The following SPECC1 variants were observed in gnomAD, a reference collection of about 807,000 sequenced individuals.
SPECC1 encodes the protein sperm antigen with calponin homology and coiled-coil domains 1, also known as cytospin-B.
SPECC1 carries 62 observed loss-of-function variants against 104.1 expected under a neutral mutation model. The ratio of observed to expected loss-of-function variants is 0.60; its 90% CI spans 0.49 to 0.74. The LOEUF is 0.74. Ranked by LOEUF, SPECC1 falls within the 30% of genes least tolerant of loss-of-function variation. The pLI, the probability that SPECC1 is intolerant of heterozygous loss-of-function variation, is 0.00. For missense variants in SPECC1, 1,306 were observed against 1,310.5 expected, an observed-to-expected ratio of 1.00 and a Z score of 0.05; for synonymous variants, 513 against 501.6, an observed-to-expected ratio of 1.02 and a Z score of -0.30.
intron 1 of SPECC1, among the ~76,000 whole-genome samples, chr17:20,019,126 C>G (rs1441259909): frequency 6.6e-6 from 1 of 152,102 alleles, no homozygotes; most frequent in African/African-American, 2.4e-5. Context: ...TCTATAATCC[C>G]AACACTGTGG....
intron 1 of SPECC1, among the ~76,000 whole-genome samples, chr17:20,016,689 C>T (rs1298686524): frequency 6.6e-6 from 1 of 152,248 alleles, no homozygotes; most frequent in Admixed American, 6.5e-5. Flanking sequence ...GACCTGCGGC[C>T]CGCCATGCCT....
intron 1 of SPECC1, among the ~76,000 whole-genome samples, chr17:20,061,864 T>C (rs1373391740): frequency 6.6e-6 from 1 of 152,216 alleles, no homozygotes; most frequent in Non-Finnish European, 1.5e-5. Context: ...TTTTCTCCTG[T>C]ATCATATCCA....
intron 3 of SPECC1, among the ~76,000 whole-genome samples, chr17:20,141,643 C>T (rs1263815801): frequency 6.6e-6 from 1 of 152,106 alleles, no homozygotes; most frequent in Non-Finnish European, 1.5e-5. Flanking sequence ...CAACCATCAC[C>T]GCAGATGAGT....
At position 20,106,490 on chromosome 17, in the gene SPECC1, T is replaced by C. The variant is rs527787470; in HGVS notation, c.148-3937T>C. Among the ~76,000 whole-genome samples the C allele has an allele frequency of 4.6e-5, 7 of 152,248 alleles. No individual in the cohort carries two copies. The South Asian group carries it at 8.3e-4, about 18-fold the overall frequency. ...TGGTCCATGATATGGTTTGGCTGTG[T>C]CCCCAACCAAAATTCATGTTGAATT... is the stretch of plus-strand genomic sequence containing the variant. On this transcript the variant is annotated intron_variant, in intron 2 of 14. Transcript: ENST00000395527.
chr17:20,313,581 A>T (rs1159228506), intron 14 of SPECC1, among the ~76,000 whole-genome samples: 1 of 152,252 alleles, frequency 6.6e-6, no homozygotes, highest in African/African-American at 2.4e-5. Context: ...GTAATGGCAC[A>T]GCCCACGTAA....
intron 1 of SPECC1, among the ~76,000 whole-genome samples, chr17:20,026,205 G>A (rs961646840): frequency 8.6e-5 from 13 of 150,918 alleles, no homozygotes; most frequent in African/African-American, 2.2e-4. Context: ...TTTTGTTGAC[G>A]TAATAATTAT....
intron 3 of SPECC1, among the ~76,000 whole-genome samples, chr17:20,132,800 C>T (rs2049720666): frequency 6.6e-6 from 1 of 151,786 alleles, no homozygotes; most frequent in African/African-American, 2.4e-5. Flanking sequence ...AGTGCAGTGG[C>T]GTGATCTCGG....
intron 2 of SPECC1, among the ~76,000 whole-genome samples, chr17:20,107,354 T>G (rs1414567924): frequency 6.7e-6 from 1 of 149,934 alleles, no homozygotes; most frequent in East Asian, 2.0e-4. Flanking sequence ...CTCATACCGA[T>G]AATACCAGCA....
intron 14 of SPECC1, among the ~76,000 whole-genome samples, chr17:20,309,584 T>A (rs1284410774): frequency 6.7e-6 from 1 of 148,328 alleles, no homozygotes; most frequent in Non-Finnish European, 1.5e-5. Flanking sequence ...CAGTGTCTAC[T>A]GTCCCCATCT....
intron 1 of SPECC1, among the ~76,000 whole-genome samples, chr17:20,088,213 C>A (rs530398349): frequency 6.6e-6 from 1 of 152,208 alleles, no homozygotes; most frequent in African/African-American, 2.4e-5. Flanking sequence ...GTGATGTGAT[C>A]TGATTTTTGT....
chr17:20,262,432 TA>T (rs1263488485), intron 12 of SPECC1, among the ~76,000 whole-genome samples: 1 of 152,212 alleles, frequency 6.6e-6, no homozygotes, highest in African/African-American at 2.4e-5. Flanking sequence ...ATGAGAGATT[TA>T]TTTCTCTGCA....
intron 3 of SPECC1, among the ~76,000 whole-genome samples, chr17:20,187,828 A>C (rs968361693): frequency 1.3e-5 from 2 of 152,190 alleles, no homozygotes; most frequent in African/African-American, 4.8e-5. Context: ...CCCGGGACCT[A>C]TGAGGCCTGG....
At chr17:20,143,287 G>A (rs2031058530) in intron 3 of SPECC1, among the ~76,000 whole-genome samples, 1 of 151,534 alleles carries the variant, frequency 6.6e-6, no homozygotes, top group African/African-American at 2.4e-5. Context: ...TCAGGAGGCT[G>A]AGGCAGGAGG....
At chr17:20,118,097 T>C (rs2048850831) in intron 3 of SPECC1, among the ~76,000 whole-genome samples, 1 of 149,256 alleles carries the variant, frequency 6.7e-6, no homozygotes, top group Non-Finnish European at 1.5e-5. Context: ...AGTGAGACCC[T>C]GTCTCACAAT....
In SPECC1 at chr17:20,315,260, T is replaced by C. The variant is rs922218409; in HGVS notation, c.*1195T>C. ...CTTTCATCGGCATGGGAAAAGCCCT[T>C]AGGGGTGGGCGGTGAGGGCACATTT... is the stretch of plus-strand genomic sequence containing the variant. On this transcript the variant is annotated 3_prime_UTR_variant, in exon 15 of 15. Transcript: ENST00000395527. The C allele has an allele frequency of 4.7e-5, 11 of 232,472 alleles. No homozygotes were observed. The highest frequency in any genetic ancestry group is 8.5e-5 in the Non-Finnish European group (10 of 117,624). The allele number at this position is 232,472 out of a possible 1,614,324, so 14.4% of individuals were successfully genotyped here.
chr17:20,233,258 G>A (rs2038711111), intron 7 of SPECC1, among the ~76,000 whole-genome samples: 1 of 152,210 alleles, frequency 6.6e-6, no homozygotes, highest in Non-Finnish European at 1.5e-5. Flanking sequence ...CCTGGGTTTT[G>A]AATGTTGATC....
intron 3 of SPECC1, chr17:20,156,371 C>G: frequency 7.0e-6 from 7 of 1,004,816 alleles, no homozygotes; most frequent in Non-Finnish European, 5.1e-6. Context: ...TGATTCTTGT[C>G]GTTGGAATGC....
At chr17:20,104,735 T>C (rs867374280) in intron 2 of SPECC1, among the ~76,000 whole-genome samples, 9 of 106,314 alleles carry the variant, frequency 8.5e-5, no homozygotes, top group Non-Finnish European at 1.2e-4. Flanking sequence ...AGAGTGAGAC[T>C]GTCTCAAAAA....
intron 3 of SPECC1, chr17:20,113,060 G>A (rs775334765): frequency 4.6e-5 from 34 of 737,130 alleles, no homozygotes; most frequent in Non-Finnish European, 7.1e-5. Flanking sequence ...TTCTCCACCC[G>A]CTCAGTTGTC....
Sources: allele counts gnomAD v4.1 joint callset (sites outside exome capture counted in the v4.1 genomes callset), GRCh38; gene constraint gnomAD v4.1.1; transcripts MANE v1.5; gene names NCBI Gene and HGNC (gene_info 2026-07-23, HGNC 2026-07-21).